Variants in SYTL5 observed in about 807,000 individuals in gnomAD.
SYTL5 encodes the protein synaptotagmin-like protein 5.
A neutral mutation model predicts 55.9 loss-of-function variants in SYTL5; 34 were observed. The ratio of observed to expected loss-of-function variants is 0.61; its 90% CI spans 0.46 to 0.81. The LOEUF (loss-of-function observed/expected upper bound fraction) is 0.81. Among genes scored for constraint, SYTL5 ranks in the 30% least tolerant of loss-of-function variants. The probability of loss-of-function intolerance (pLI) is 0.00; values close to 1 mark genes in which losing one functional copy is unlikely to be tolerated. For synonymous variants in SYTL5, 221 were observed against 188.7 expected (o/e 1.17, Z -1.40); for missense variants, 637 against 546.7 (o/e 1.17, Z -1.65).
chrX:37,968,892 T>A, the SYTL5 span, among the ~76,000 whole-genome samples: 1 of 112,171 alleles, frequency 8.9e-6, no homozygotes, highest in Non-Finnish European at 1.9e-5. Flanking sequence ...TACAATCCAC[T>A]ATAGTGAAGT....
chrX:38,030,100 C>T (rs1192538457), intron 1 of SYTL5, among the ~76,000 whole-genome samples: 1 of 110,571 alleles, frequency 9.0e-6, no homozygotes, highest in Non-Finnish European at 1.9e-5. Context: ...TGGGTGGGGA[C>T]TTTTTTTTAA....
At chrX:38,037,943 C>T (rs73632435) in intron 2 of SYTL5, among the ~76,000 whole-genome samples, 7,056 of 110,793 alleles carry the variant, frequency 0.064, 198 homozygotes, top group Middle Eastern at 0.11. Flanking sequence ...GGCTGAGAAC[C>T]GGGAGAGCTG....
At chrX:38,122,527 A>G (rs545385483) in intron 15 of SYTL5, among the ~76,000 whole-genome samples, 1 of 112,466 alleles carries the variant, frequency 8.9e-6, no homozygotes, top group Non-Finnish European at 1.9e-5. Context: ...TGTATAATGT[A>G]TTTATATTGT....
the SYTL5 span, among the ~76,000 whole-genome samples, chrX:37,913,118 C>A: frequency 4.5e-5 from 5 of 111,688 alleles, no homozygotes; most frequent in African/African-American, 1.6e-4. Flanking sequence ...CTGGAGCCAT[C>A]TTGGACCATG....
chrX:37,903,077 T>A, the SYTL5 span, among the ~76,000 whole-genome samples: 316 of 110,737 alleles, frequency 2.9e-3, 1 homozygote, highest in Non-Finnish European at 5.1e-3. Flanking sequence ...TGTGGAGAAA[T>A]AGGAACACTT....
chrX:38,093,417 T>C (rs1030546996), intron 7 of SYTL5, among the ~76,000 whole-genome samples: 3 of 111,799 alleles, frequency 2.7e-5, no homozygotes, highest in African/African-American at 9.8e-5. Flanking sequence ...TGATGTAATT[T>C]GAATGGACAC....
chrX:38,015,774 G>A (rs779397411), intron 1 of SYTL5, among the ~76,000 whole-genome samples: 9 of 109,583 alleles, frequency 8.2e-5, no homozygotes, highest in South Asian at 8.0e-4. Context: ...GAACACTTTC[G>A]CTCTGGGCGG....
the SYTL5 span, among the ~76,000 whole-genome samples, chrX:37,894,278 A>G: frequency 0.19 from 21,368 of 111,133 alleles, 4,048 homozygotes; most frequent in African/African-American, 0.59. Context: ...AGCTTTTGGC[A>G]GAACATGCAC....
intron 2 of SYTL5, among the ~76,000 whole-genome samples, chrX:38,047,369 G>T (rs1337227511): frequency 8.9e-6 from 1 of 112,908 alleles, no homozygotes; most frequent in Non-Finnish European, 1.9e-5. Context: ...GCACTTGCAG[G>T]TTCAATACCA....
At chrX:37,950,041 C>T in the SYTL5 span, among the ~76,000 whole-genome samples, 1 of 111,515 alleles carries the variant, frequency 9.0e-6, no homozygotes, top group Non-Finnish European at 1.9e-5. Flanking sequence ...TATTCATGCT[C>T]CCAGCCCTTT....
the SYTL5 span, among the ~76,000 whole-genome samples, chrX:37,913,024 G>A: frequency 3.6e-5 from 4 of 112,055 alleles, no homozygotes; most frequent in Non-Finnish European, 7.5e-5. Flanking sequence ...CCTGCTTAAA[G>A]GGATTTGACT....
At chrX:38,074,340 C>G (rs749907031) in intron 5 of SYTL5, among the ~76,000 whole-genome samples, 1 of 112,044 alleles carries the variant, frequency 8.9e-6, no homozygotes, top group South Asian at 3.7e-4. Context: ...TTTTGTTTCT[C>G]ATGCAGCTAT....
chrX:37,936,612 G>A, the SYTL5 span, among the ~76,000 whole-genome samples: 3 of 112,031 alleles, frequency 2.7e-5, no homozygotes, highest in African/African-American at 6.5e-5. Flanking sequence ...ACTCACCTCC[G>A]ACTTCTAGAG....
chrX:37,890,258 G>A, the SYTL5 span, among the ~76,000 whole-genome samples: 1 of 111,272 alleles, frequency 9.0e-6, no homozygotes, highest in African/African-American at 3.3e-5. Context: ...CAAGATAAAG[G>A]TAATCACTCC....
At chrX:37,901,178 C>T in the SYTL5 span, among the ~76,000 whole-genome samples, 4 of 111,626 alleles carry the variant, frequency 3.6e-5, no homozygotes, top group African/African-American at 1.3e-4. Flanking sequence ...TGAGGGGATC[C>T]CTTGGGACTA....
the SYTL5 span, among the ~76,000 whole-genome samples, chrX:37,954,111 C>T: frequency 9.0e-6 from 1 of 111,453 alleles, no homozygotes; most frequent in Admixed American, 9.6e-5. Flanking sequence ...ATCTAGTCCT[C>T]TGAACCTATG....
intron 4 of SYTL5, among the ~76,000 whole-genome samples, chrX:38,073,202 G>A (rs1936310401): frequency 8.9e-6 from 1 of 112,015 alleles, no homozygotes; most frequent in Non-Finnish European, 1.9e-5. Context: ...ACCCTCCCAG[G>A]AAGTGTGGCT....
At chrX:37,986,139 TG>T in the SYTL5 span, among the ~76,000 whole-genome samples, 1 of 111,367 alleles carries the variant, frequency 9.0e-6, no homozygotes, top group East Asian at 2.8e-4. Context: ...AGGCATCAAA[TG>T]AAAAGAATAG....
the SYTL5 span, among the ~76,000 whole-genome samples, chrX:37,970,343 CT>C: frequency 3.4e-5 from 3 of 89,304 alleles, no homozygotes; most frequent in Non-Finnish European, 6.3e-5. Flanking sequence ...TATAAAATTA[CT>C]TTTTTTTACC....
Sources: allele counts gnomAD v4.1 joint callset (sites outside exome capture counted in the v4.1 genomes callset), GRCh38; gene constraint gnomAD v4.1.1; transcripts MANE v1.5; gene names NCBI Gene and HGNC (gene_info 2026-07-23, HGNC 2026-07-21).